FAM118A: variants seen among roughly 807,000 people sequenced by gnomAD.
FAM118A encodes protein FAM118A.
A neutral mutation model predicts 38.2 loss-of-function variants in FAM118A; 25 were observed. The ratio of observed to expected loss-of-function variants is 0.65; its 90% CI spans 0.48 to 0.91. The LOEUF (loss-of-function observed/expected upper bound fraction) is 0.91, where lower values mean the gene tolerates loss of function less well. Ranked by LOEUF, FAM118A falls within the 40% of genes least tolerant of loss-of-function variation. The pLI is 0.00. For missense variants in FAM118A, 425 were observed against 463.3 expected (o/e 0.92, Z 0.76); for synonymous variants, 178 against 184.1 (o/e 0.97, Z 0.27).
At position 45,318,406 on chromosome 22, in the gene FAM118A, C is replaced by T. The variant is rs1176669918; in HGVS notation, c.-9-3965C>T. The T allele has an allele frequency of 2.6e-5, 4 of 152,148 alleles. No individual in the cohort carries two copies. In the East Asian group the frequency reaches 5.8e-4, roughly 22 times the overall value. 9.4% of individuals were successfully genotyped at this position (152,148 alleles called of 1,614,324 possible). ...CCGAGAGATGCAGCGTCTGAAAGGCCTCCGAAGGGTTTTGTTACTGTTTTC... is the reference window on the plus strand; with the variant it reads ...CCGAGAGATGCAGCGTCTGAAAGGCTTCCGAAGGGTTTTGTTACTGTTTTC... On this transcript the variant is annotated intron_variant, in intron 1 of 8. Coordinates refer to ENST00000441876, the MANE Select transcript of FAM118A (RefSeq NM_017911.4).
chr22:45,322,354 C>A lies in FAM118A; in HGVS notation c.-9-17C>A. 2 of 1,605,894 alleles carry A rather than the reference C, an allele frequency of 1.2e-6. No homozygotes were observed. Among genetic ancestry groups the A allele is most frequent in the Admixed American group, 1.7e-5 (1 of 57,978 alleles). On this transcript the variant is annotated splice_polypyrimidine_tract_variant and intron_variant, in intron 1 of 8. Coordinates refer to ENST00000441876, the MANE Select transcript of FAM118A (RefSeq NM_017911.4). ...CCTGGGAGACAGAAGTCACTTCTGACTAATTTTTCTCTTTAGAATTCACAG... is the reference window on the plus strand; with the variant it reads ...CCTGGGAGACAGAAGTCACTTCTGAATAATTTTTCTCTTTAGAATTCACAG...
At chr22:45,318,450 G>C (rs974830242) in intron 1 of FAM118A, 1 of 152,196 alleles carries the variant, frequency 6.6e-6, no homozygotes, top group Non-Finnish European at 1.5e-5. Flanking sequence ...GATTGGCTTA[G>C]ACGGTGTTTG....
chr22:45,326,231 C>T (rs2085257727), intron 3 of FAM118A, among the ~76,000 whole-genome samples: 1 of 147,782 alleles, frequency 6.8e-6, no homozygotes, highest in Non-Finnish European at 1.5e-5. Flanking sequence ...GTTGCTGCAT[C>T]TGCTGTCACC....
Position 45,325,210 on chromosome 22 carries a change from A to C in FAM118A, c.300+1783A>C, listed in dbSNP as rs537890244. Among the ~76,000 whole-genome samples, 5 of 152,272 alleles carry C rather than the reference A, an allele frequency of 3.3e-5. No individual in the cohort carries two copies. The East Asian group carries it at 9.6e-4, about 29-fold the overall frequency. On this transcript the variant is annotated intron_variant, in intron 3 of 8. Transcript: ENST00000441876. ...GAAGAGAGACTGTTTGTCTAGAATG[A>C]GAATCGTTTGTCTTGAAAACAAGTA...
intron 1 of FAM118A, among the ~76,000 whole-genome samples, chr22:45,311,108 G>A (rs897385193): frequency 6.6e-6 from 1 of 152,124 alleles, no homozygotes; most frequent in Admixed American, 6.5e-5. Context: ...GAAGGGGTGG[G>A]TGTTAAGGAG....
chr22:45,331,526 C>T (rs1295606932), intron 5 of FAM118A, among the ~76,000 whole-genome samples: 1 of 152,044 alleles, frequency 6.6e-6, no homozygotes, highest in Non-Finnish European at 1.5e-5. Flanking sequence ...AGGTGTGTGC[C>T]CCTACTCCCG....
At chr22:45,328,529 G>T in intron 4 of FAM118A, 1 of 735,378 alleles carries the variant, frequency 1.4e-6, no homozygotes, top group Non-Finnish European at 2.5e-6. Context: ...CTACTGGGGA[G>T]GCCGAGGTGG....
In FAM118A at chr22:45,327,921, G is replaced by C; in HGVS notation, c.380G>C (p.Ser127Thr). ...GACGACCTGGAGCAGCACATCCGGAGTCCTGTGGTGCTGCAGTCGATCCTC... is the reference window on the plus strand; with the variant it reads ...GACGACCTGGAGCAGCACATCCGGACTCCTGTGGTGCTGCAGTCGATCCTC... ...VFDDLEQHIR[S>T]PVVLQSILSL... is the part of the protein sequence containing the mutation. The change falls in exon 4 of 9, where the codon AGT becomes ACT. Residue 127 changes from serine to threonine, a missense_variant. Ser to Thr is a moderately conservative substitution (Grantham distance 58). Transcript: ENST00000441876. The C allele has an allele frequency of 6.2e-7, 1 of 1,614,238 alleles. No homozygotes were observed. The highest frequency in any genetic ancestry group is 8.5e-7 in the Non-Finnish European group (1 of 1,180,048).
intron 8 of FAM118A, among the ~76,000 whole-genome samples, chr22:45,336,672 G>A (rs893019275): frequency 1.3e-5 from 2 of 152,136 alleles, no homozygotes; most frequent in Non-Finnish European, 2.9e-5. Flanking sequence ...AAGGTGCAGC[G>A]GGCAGAAGGT....
In FAM118A at chr22:45,341,810, T is replaced by C. The variant is rs1394463097; in HGVS notation, c.*1405T>C. On this transcript the variant is annotated 3_prime_UTR_variant, in exon 9 of 9. Coordinates refer to ENST00000441876, the MANE Select transcript of FAM118A (RefSeq NM_017911.4). ...TGACACTCCCCATTGATGACTCCCATAGGTACAGATAAAGTTAAGAACAGG... is the reference window on the plus strand; with the variant it reads ...TGACACTCCCCATTGATGACTCCCACAGGTACAGATAAAGTTAAGAACAGG... 1 of 152,144 alleles carries C rather than the reference T, an allele frequency of 6.6e-6. No individual in the cohort carries two copies. Among genetic ancestry groups the C allele is most frequent in the African/African-American group, 2.4e-5 (1 of 41,412 alleles). The allele number at this position is 152,144 out of a possible 1,614,324, so 9.4% of individuals were successfully genotyped here.
intron 3 of FAM118A, 57 bp from the exon 4 acceptor site, chr22:45,327,785 T>G: frequency 6.4e-7 from 1 of 1,564,152 alleles, no homozygotes; most frequent in Admixed American, 1.7e-5. Flanking sequence ...CCTGCTTAGG[T>G]GCTCAGTAGT....
intron 8 of FAM118A, among the ~76,000 whole-genome samples, chr22:45,336,897 C>G (rs1217431174): frequency 6.6e-6 from 1 of 152,220 alleles, no homozygotes; most frequent in African/African-American, 2.4e-5. Context: ...TGGAGAAAAG[C>G]ACTTTAACTC....
In FAM118A at chr22:45,323,280, G is replaced by T; in HGVS notation, c.153G>T (p.Ser51=). The T allele has an allele frequency of 6.2e-7, 1 of 1,614,206 alleles. No homozygotes were observed. The highest frequency in any genetic ancestry group is 1.1e-5 in the South Asian group (1 of 91,086). Residue 51 remains serine (S), a synonymous_variant, in exon 3 of 9, where the codon TCG becomes TCT. Coordinates refer to ENST00000441876, the MANE Select transcript of FAM118A (RefSeq NM_017911.4). ...AVAPGIPALC[S]WRSCIEAVIE... ...CCCCCGGAATCCCTGCCCTTTGCTC[G>T]TGGAGAAGCTGCATCGAGGCCGTCA...
At chr22:45,332,810 C>T (rs1271510541) in intron 6 of FAM118A, 100 bp downstream of exon 6, 14 of 1,294,096 alleles carry the variant, frequency 1.1e-5, no homozygotes, top group Non-Finnish European at 1.3e-5. Context: ...GCAATGGCAC[C>T]ATCTTGGCTC....
Position 45,340,665 on chromosome 22 carries a change from T to A in FAM118A, c.*260T>A, listed in dbSNP as rs1444200658. ...TGGATAGCTACCTCAGGGACCAGAA[T>A]CCGTGGGAAGGGATGGACCTGGTGT... is the stretch of plus-strand genomic sequence containing the variant. On this transcript the variant is annotated 3_prime_UTR_variant, in exon 9 of 9. Transcript: ENST00000441876. 1.9e-6 allele frequency: 1 copy of A among 537,050 alleles called. No homozygotes were observed. Among genetic ancestry groups the A allele is most frequent in the East Asian group, 2.9e-5 (1 of 34,250 alleles). 33.3% of individuals were successfully genotyped at this position (537,050 alleles called of 1,614,324 possible). A position where few individuals can be genotyped will look rare whatever the true frequency, so the allele number is the denominator to read the frequency against.
chr22:45,338,237 T>A (rs998133335), intron 8 of FAM118A, among the ~76,000 whole-genome samples: 33 of 114,792 alleles, frequency 2.9e-4, no homozygotes, highest in Admixed American at 9.6e-4. Context: ...ATGTCTTTTT[T>A]TTTATTTTTT....
At position 45,323,262 on chromosome 22, in the gene FAM118A, A is replaced by G. The variant is rs543261111; in HGVS notation, c.135A>G (p.Gly45=). Residue 45 remains glycine, a synonymous_variant, in exon 3 of 9, where the codon GGA becomes GGG. Transcript: ENST00000441876. ...GCGTCAGCGCAGCAGTGGCCCCCGGAATCCCTGCCCTTTGCTCGTGGAGAA... is the reference window on the plus strand; with the variant it reads ...GCGTCAGCGCAGCAGTGGCCCCCGGGATCCCTGCCCTTTGCTCGTGGAGAA... ...GTGVSAAVAP[G]IPALCSWRSC... 1.1e-5 allele frequency: 18 copies of G among 1,614,202 alleles called. No homozygotes were observed.
intron 3 of FAM118A, 38 bp from the exon 4 acceptor site, chr22:45,327,804 G>T: frequency 1.9e-6 from 3 of 1,604,228 alleles, no homozygotes; most frequent in Non-Finnish European, 2.6e-6. Flanking sequence ...GTTGTTAAGA[G>T]CTGATGTTTT....
intron 3 of FAM118A, among the ~76,000 whole-genome samples, chr22:45,324,282 ATGG>A (rs1208351945): frequency 6.6e-6 from 1 of 152,188 alleles, no homozygotes; most frequent in East Asian, 1.9e-4. Context: ...CAAGGAGAAC[ATGG>A]TGGCCGGGCA....
Sources: gnomAD v4.1 joint callset for allele counts (sites outside exome capture counted in the v4.1 genomes callset) on GRCh38, gnomAD v4.1.1 for gene constraint, MANE v1.5 for transcripts, NCBI Gene and HGNC (gene_info 2026-07-23, HGNC 2026-07-21) for gene names.